ARB2A: variants seen among roughly 807,000 people sequenced by gnomAD.
The protein encoded by ARB2A is ARB2 cotranscriptional regulator A.
At chr5:93,991,536 A>G in the ARB2A span, among the ~76,000 whole-genome samples, 2 of 152,038 alleles carry the variant, frequency 1.3e-5, no homozygotes, top group Admixed American at 1.3e-4. Context: ...AAAAGTGTTC[A>G]ATCACATAGA....
the ARB2A span, among the ~76,000 whole-genome samples, chr5:93,640,357 G>A: frequency 2.6e-5 from 4 of 151,782 alleles, no homozygotes; most frequent in East Asian, 2.0e-4. Context: ...GCTGAGGCAG[G>A]AGAATTGCTT....
At chr5:93,683,423 A>T in the ARB2A span, 1 of 1,601,692 alleles carries the variant, frequency 6.2e-7, no homozygotes, top group African/African-American at 1.3e-5. Context: ...CAACCTTAAG[A>T]CCACTGGTGG....
the ARB2A span, among the ~76,000 whole-genome samples, chr5:94,070,265 G>A: frequency 6.6e-6 from 1 of 152,072 alleles, no homozygotes; most frequent in Admixed American, 6.5e-5. Context: ...ACTCACATGT[G>A]AGAGATAAAA....
the ARB2A span, among the ~76,000 whole-genome samples, chr5:94,109,685 T>C: frequency 1.3e-5 from 2 of 152,132 alleles, no homozygotes. Context: ...ATTCCAAATA[T>C]ATCAAACACG....
chr5:94,095,852 GT>G, the ARB2A span, among the ~76,000 whole-genome samples: 7 of 151,650 alleles, frequency 4.6e-5, no homozygotes, highest in Admixed American at 6.6e-5. Flanking sequence ...CTGAGAATCT[GT>G]TTTTTTTCCC....
At chr5:94,009,200 C>T in the ARB2A span, among the ~76,000 whole-genome samples, 3 of 151,926 alleles carry the variant, frequency 2.0e-5, no homozygotes, top group East Asian at 5.8e-4. Flanking sequence ...AAATTATTTA[C>T]AATAGTAATA....
At chr5:94,041,094 G>GTC in the ARB2A span, among the ~76,000 whole-genome samples, 2,300 of 148,320 alleles carry the variant, frequency 0.016, 22 homozygotes, top group Non-Finnish European at 0.019. Flanking sequence ...GTCTCTCTCG[G>GTC]TCTCTCTCTC....
the ARB2A span, among the ~76,000 whole-genome samples, chr5:93,827,126 G>A: frequency 6.6e-6 from 1 of 152,058 alleles, no homozygotes; most frequent in African/African-American, 2.4e-5. Context: ...TGGGATGGCT[G>A]GGTCAAATGG....
At chr5:94,086,741 CG>C in the ARB2A span, among the ~76,000 whole-genome samples, 1 of 151,982 alleles carries the variant, frequency 6.6e-6, no homozygotes, top group Non-Finnish European at 1.5e-5. Flanking sequence ...TTAGTAGAGA[CG>C]GGGTTTCACC....
At chr5:93,772,057 A>C in the ARB2A span, among the ~76,000 whole-genome samples, 1 of 152,246 alleles carries the variant, frequency 6.6e-6, no homozygotes. Flanking sequence ...GAACCAACCC[A>C]AATGTCCAAC....
At chr5:93,627,365 G>C in the ARB2A span, among the ~76,000 whole-genome samples, 3 of 151,782 alleles carry the variant, frequency 2.0e-5, no homozygotes, top group East Asian at 5.8e-4. Flanking sequence ...TTTCCAGAAG[G>C]CTCTCTCAAT....
the ARB2A span, among the ~76,000 whole-genome samples, chr5:93,849,260 G>T: frequency 6.6e-6 from 1 of 152,014 alleles, no homozygotes; most frequent in Admixed American, 6.6e-5. Flanking sequence ...CTGAAAAGCA[G>T]TTTATGAAAC....
chr5:93,689,697 C>CTT, the ARB2A span, among the ~76,000 whole-genome samples: 1 of 146,534 alleles, frequency 6.8e-6, no homozygotes, highest in East Asian at 2.0e-4. Context: ...TGTTTTCTCT[C>CTT]TTTTTTTTTT....
the ARB2A span, among the ~76,000 whole-genome samples, chr5:93,900,567 T>A: frequency 7.0e-6 from 1 of 143,402 alleles, no homozygotes; most frequent in African/African-American, 2.6e-5. Flanking sequence ...TGAGTCAAGA[T>A]CATGCCACTG....
the ARB2A span, among the ~76,000 whole-genome samples, chr5:93,659,402 T>C: frequency 6.6e-6 from 1 of 152,024 alleles, no homozygotes; most frequent in Non-Finnish European, 1.5e-5. Flanking sequence ...CACTTAGACA[T>C]CATGATGTTG....
the ARB2A span, among the ~76,000 whole-genome samples, chr5:93,915,669 T>C: frequency 5.3e-5 from 8 of 151,984 alleles, no homozygotes; most frequent in African/African-American, 1.4e-4. Context: ...ACCACTAATA[T>C]AGGCAATGGT....
chr5:93,656,845 G>A, the ARB2A span, among the ~76,000 whole-genome samples: 6 of 151,994 alleles, frequency 3.9e-5, no homozygotes, highest in Non-Finnish European at 7.4e-5. Context: ...GAGGACCCCT[G>A]TGTTTCAATT....
chr5:93,652,845 C>T, the ARB2A span, among the ~76,000 whole-genome samples: 1 of 152,114 alleles, frequency 6.6e-6, no homozygotes, highest in Non-Finnish European at 1.5e-5. Context: ...TAAAAACACA[C>T]TTTGGAAAAT....
chr5:94,012,072 T>C, the ARB2A span, among the ~76,000 whole-genome samples: 1 of 151,452 alleles, frequency 6.6e-6, no homozygotes, highest in Non-Finnish European at 1.5e-5. Context: ...AAAGTCACAA[T>C]GTTAAATATT....
Sources: allele counts gnomAD v4.1 joint callset (sites outside exome capture counted in the v4.1 genomes callset), GRCh38; gene constraint gnomAD v4.1.1; transcripts MANE v1.5; gene names NCBI Gene and HGNC (gene_info 2026-07-23, HGNC 2026-07-21).